Variants in LRRC4C observed in about 807,000 individuals in gnomAD.
LRRC4C encodes the protein leucine-rich repeat-containing protein 4C.
A neutral mutation model predicts 33.6 loss-of-function variants in LRRC4C; 5 were observed. The ratio of observed to expected loss-of-function variants is 0.15; its 90% CI spans 0.08 to 0.31. The LOEUF is 0.31. LRRC4C is among the 10% of genes least tolerant of loss of function. The pLI, the probability that LRRC4C is intolerant of heterozygous loss-of-function variation, is 1.00. For synonymous variants in LRRC4C, 329 were observed against 302.0 expected (o/e 1.09, Z -0.93); for missense variants, 560 against 796.7 (o/e 0.70, Z 3.58).
chr11:40,783,593 T>C (rs1447809639), intron 2 of LRRC4C, among the ~76,000 whole-genome samples: 1 of 152,154 alleles, frequency 6.6e-6, no homozygotes, highest in African/African-American at 2.4e-5. Flanking sequence ...ATTACAGACA[T>C]GAGCCACTCT....
At chr11:40,578,537 C>T (rs2135621181) in intron 3 of LRRC4C, among the ~76,000 whole-genome samples, 1 of 152,090 alleles carries the variant, frequency 6.6e-6, no homozygotes, top group East Asian at 1.9e-4. Flanking sequence ...ACACATATAC[C>T]TGTCTCTTTC....
intron 2 of LRRC4C, among the ~76,000 whole-genome samples, chr11:40,809,775 G>A (rs372090205): frequency 2.0e-5 from 3 of 152,262 alleles, no homozygotes; most frequent in African/African-American, 7.2e-5. Context: ...CTTACAAAGT[G>A]CAGACTCTCA....
chr11:40,882,349 A>T (rs1955223956), intron 2 of LRRC4C, among the ~76,000 whole-genome samples: 1 of 152,136 alleles, frequency 6.6e-6, no homozygotes, highest in African/African-American at 2.4e-5. Flanking sequence ...GCTATTAATC[A>T]TTATGCCAAG....
chr11:40,262,163 G>A (rs1565201432), intron 4 of LRRC4C, among the ~76,000 whole-genome samples: 1 of 152,150 alleles, frequency 6.6e-6, no homozygotes, highest in Non-Finnish European at 1.5e-5. Flanking sequence ...ATCAAAAAGT[G>A]GGTGAAGGAT....
intron 2 of LRRC4C, among the ~76,000 whole-genome samples, chr11:40,666,449 C>A (rs954841821): frequency 3.3e-5 from 5 of 152,058 alleles, no homozygotes; most frequent in Non-Finnish European, 7.4e-5. Context: ...AATTATATTT[C>A]TTTCCAGAAA....
At chr11:41,237,287 A>C (rs1337725849) in intron 1 of LRRC4C, among the ~76,000 whole-genome samples, 1 of 152,198 alleles carries the variant, frequency 6.6e-6, no homozygotes, top group Non-Finnish European at 1.5e-5. Flanking sequence ...ATGTATACCA[A>C]CTTAAGTATC....
chr11:40,827,789 C>T (rs2135520742), intron 2 of LRRC4C, among the ~76,000 whole-genome samples: 1 of 151,714 alleles, frequency 6.6e-6, no homozygotes, highest in African/African-American at 2.4e-5. Flanking sequence ...CTCCCAGTTC[C>T]AGATGGCAAA....
chr11:40,357,150 G>A (rs1310916842), intron 3 of LRRC4C, among the ~76,000 whole-genome samples: 1 of 152,086 alleles, frequency 6.6e-6, no homozygotes, highest in Non-Finnish European at 1.5e-5. Flanking sequence ...TTATTTTGAA[G>A]GGGGAAAGGG....
intron 1 of LRRC4C, among the ~76,000 whole-genome samples, chr11:40,991,396 C>A (rs1853551478): frequency 6.6e-6 from 1 of 151,974 alleles, no homozygotes; most frequent in African/African-American, 2.4e-5. Flanking sequence ...TAGGCTAATG[C>A]CTTATAATGT....
chr11:40,791,494 A>C (rs1950620015), intron 2 of LRRC4C, among the ~76,000 whole-genome samples: 1 of 152,112 alleles, frequency 6.6e-6, no homozygotes. Flanking sequence ...GTGAAACTCT[A>C]CTCTAATTTC....
chr11:40,715,198 C>A (rs1161586221), intron 2 of LRRC4C, among the ~76,000 whole-genome samples: 4 of 152,014 alleles, frequency 2.6e-5, no homozygotes, highest in African/African-American at 9.7e-5. Flanking sequence ...AATAAAGAGA[C>A]CTACAATTAA....
intron 2 of LRRC4C, among the ~76,000 whole-genome samples, chr11:40,786,999 T>C (rs983990951): frequency 6.6e-6 from 1 of 152,202 alleles, no homozygotes; most frequent in Non-Finnish European, 1.5e-5. Context: ...GAAATGTTCC[T>C]ATTGTCATTT....
rs762311116 is a variant in LRRC4C at position 41,327,360 on chromosome 11, C to T, written c.-496+132071G>A. Among the ~76,000 whole-genome samples, 3 of 152,174 alleles carry T rather than the reference C, an allele frequency of 2.0e-5. No individual in the cohort carries two copies. In the East Asian group the frequency reaches 5.8e-4, roughly 29 times the overall value. On this transcript the variant is annotated intron_variant, in intron 1 of 6. Transcript: ENST00000528697. ...CAGCCCTGAGAACAAATGCTGAAAA[C>T]ACAACTTTCTACCTTCCTTTGATAT...
chr11:40,903,114 A>G (rs897988682), intron 2 of LRRC4C, among the ~76,000 whole-genome samples: 3 of 152,136 alleles, frequency 2.0e-5, no homozygotes, highest in African/African-American at 7.2e-5. Context: ...CTCTCTTGTA[A>G]CAGGGCTAAT....
chr11:40,185,760 T>C (rs1032509269), intron 5 of LRRC4C, among the ~76,000 whole-genome samples: 1 of 152,060 alleles, frequency 6.6e-6, no homozygotes, highest in Non-Finnish European at 1.5e-5. Flanking sequence ...GTAATGGAGA[T>C]TAAGTTGGAT....
chr11:40,466,645 C>T (rs370518322), intron 3 of LRRC4C, among the ~76,000 whole-genome samples: 21 of 151,594 alleles, frequency 1.4e-4, no homozygotes, highest in South Asian at 6.2e-4. Context: ...ATTAACTTGA[C>T]GAAGATAATA....
At chr11:40,752,269 A>T (rs576708051) in intron 2 of LRRC4C, among the ~76,000 whole-genome samples, 2 of 152,134 alleles carry the variant, frequency 1.3e-5, no homozygotes, top group African/African-American at 2.4e-5. Context: ...TGTTAAAAAG[A>T]TTCTACACAG....
intron 3 of LRRC4C, among the ~76,000 whole-genome samples, chr11:40,349,057 TTTA>T (rs1435916879): frequency 2.0e-5 from 3 of 152,204 alleles, no homozygotes; most frequent in African/African-American, 7.2e-5. Flanking sequence ...ACCTCAAGCA[TTTA>T]TTATTTTTTG....
At chr11:40,945,875 A>G (rs1412217181) in intron 1 of LRRC4C, among the ~76,000 whole-genome samples, 2 of 152,218 alleles carry the variant, frequency 1.3e-5, no homozygotes, top group African/African-American at 4.8e-5. Context: ...CATACATATG[A>G]ATATGAGTTT....
Sources: gnomAD v4.1 joint callset for allele counts (sites outside exome capture counted in the v4.1 genomes callset) on GRCh38, gnomAD v4.1.1 for gene constraint, MANE v1.5 for transcripts, NCBI Gene and HGNC (gene_info 2026-07-23, HGNC 2026-07-21) for gene names.